CABP5: variants seen among roughly 807,000 people sequenced by gnomAD.
CABP5 encodes calcium binding protein 5.
In CABP5, 17 loss-of-function variants were observed where a neutral mutation model predicts 21.9. The observed-to-expected ratio is 0.78, with a 90% CI of 0.53 to 1.17. The LOEUF (loss-of-function observed/expected upper bound fraction) is 1.17, where lower values mean the gene tolerates loss of function less well. CABP5 is among the 50% of genes most tolerant of loss of function. CABP5 has a pLI of 0.00. For synonymous variants in CABP5, 85 were observed against 79.4 expected, an observed-to-expected ratio of 1.07 and a Z score of -0.37; for missense variants, 229 against 228.9, an observed-to-expected ratio of 1.00 and a Z score of 0.00.
rs115620220 is a variant in CABP5, at chr19:48,040,784, G to A, written c.95-36C>T. 10,065 of 1,610,734 alleles carry A rather than the reference G, an allele frequency of 6.2e-3. 314 individuals are homozygous for A. In the African/African-American group the frequency reaches 0.076, roughly 12 times the overall value. ...AGAGAGAACTTTGGGGGAACTTGAA[G>A]CAGTCAGTGGGGAAGAGTGGCATCT... On this transcript the variant is annotated intron_variant, in intron 2 of 5. Coordinates refer to ENST00000293255, the MANE Select transcript of CABP5 (RefSeq NM_019855.5).
chr19:48,037,176 G>A (rs1020537961), intron 4 of CABP5, among the ~76,000 whole-genome samples: 1 of 148,946 alleles, frequency 6.7e-6, no homozygotes, highest in Non-Finnish European at 1.5e-5. Flanking sequence ...CAATAGCCAA[G>A]GTATGGAAGC....
intron 1 of CABP5, among the ~76,000 whole-genome samples, chr19:48,042,827 C>A (rs1157438476): frequency 6.6e-6 from 1 of 152,186 alleles, no homozygotes; most frequent in Non-Finnish European, 1.5e-5. Context: ...CCTGCTTTGG[C>A]CTCCCAAAGG....
intron 2 of CABP5, 113 bp from the exon 3 acceptor site, chr19:48,040,861 T>C: frequency 9.6e-7 from 1 of 1,043,322 alleles, no homozygotes. Context: ...GGAGCGTACA[T>C]TAGAAACAAA....
chr19:48,042,771 C>T (rs1967498352), intron 1 of CABP5, among the ~76,000 whole-genome samples: 1 of 152,020 alleles, frequency 6.6e-6, no homozygotes, highest in African/African-American at 2.4e-5. Flanking sequence ...GACAGGGTTT[C>T]ACCATCTTGG....
At position 48,041,508 on chromosome 19, in the gene CABP5, AGG is replaced by A. The variant is rs1332955645; in HGVS notation, c.94+63_94+64del. The A allele has an allele frequency of 1.9e-5, 28 of 1,447,700 alleles. No individual in the cohort carries two copies. The African/African-American group carries it at 3.4e-4, about 17-fold the overall frequency. 89.7% of individuals were successfully genotyped at this position (1,447,700 alleles called of 1,614,324 possible). On this transcript the variant is annotated intron_variant, in intron 2 of 5. Transcript: ENST00000293255. ...ATGGAATTTATACGGAAATGCACAA[AGG>A]GACTGAGGGCAGGTCAGGTGGGTGG...
intron 1 of CABP5, 79 bp from the exon 2 acceptor site, chr19:48,041,682 T>C: frequency 7.6e-7 from 1 of 1,319,728 alleles, no homozygotes; most frequent in Non-Finnish European, 1.1e-6. Flanking sequence ...TCTCCCAAGC[T>C]CCTCCCCACG....
At chr19:48,039,104 T>G (rs1600126582) in intron 4 of CABP5, 104 bp downstream of exon 4, 2 of 807,080 alleles carry the variant, frequency 2.5e-6, no homozygotes, top group South Asian at 1.5e-5. Context: ...AAAAAAAAGG[T>G]GGGGGCCTGG....
At chr19:48,031,851 A>G (rs1269499918) in intron 5 of CABP5, among the ~76,000 whole-genome samples, 2 of 130,174 alleles carry the variant, frequency 1.5e-5, no homozygotes, top group Non-Finnish European at 3.1e-5. Context: ...CTTGATGTCC[A>G]CTGCACACCT....
chr19:48,041,670 G>T (rs1967483685), intron 1 of CABP5, 67 bp from the exon 2 acceptor site: 3 of 1,452,018 alleles, frequency 2.1e-6, no homozygotes, highest in East Asian at 4.9e-5. Context: ...GGGTCTCCTT[G>T]TTCTCCCAAG....
At position 48,039,127 on chromosome 19, in the gene CABP5, G is replaced by C. The variant is rs768584089; in HGVS notation, c.348+81C>G. On this transcript the variant is annotated intron_variant, in intron 4 of 5. Coordinates refer to ENST00000293255, the MANE Select transcript of CABP5 (RefSeq NM_019855.5). ...GGTGGGGGCCTGGTTGGTGGGTGCT[G>C]TCCATGGCATTGGCTAATTACAGGC... is the stretch of plus-strand genomic sequence containing the variant. 5.9e-5 allele frequency: 66 copies of C among 1,117,590 alleles called. No homozygotes were observed. In the Middle Eastern group the frequency reaches 1.2e-3, roughly 21 times the overall value. 69.2% of individuals were successfully genotyped at this position (1,117,590 alleles called of 1,614,324 possible).
chr19:48,039,248 C>G lies in CABP5; in HGVS notation c.308G>C (p.Gly103Ala). Reference sequence around the variant, plus strand: ...CCGCATCTCCTGGACACCGATCATCCCAGCTGTTTCTGCAAGCAATTTGGG... The same window carrying G: ...CCGCATCTCCTGGACACCGATCATCGCAGCTGTTTCTGCAAGCAATTTGGG... ...MTPKLLAETAGMIGVQEMRDA... is the reference protein window; with the variant it reads ...MTPKLLAETAAMIGVQEMRDA... Residue 103 changes from glycine to alanine, a missense_variant, in exon 4 of 6, where the codon GGG becomes GCG. By Grantham distance (60) the Gly-to-Ala change is moderately conservative (BLOSUM62 0). Transcript: ENST00000293255. 2 of 1,614,066 alleles carry G rather than the reference C, an allele frequency of 1.2e-6. No homozygotes were observed. The highest frequency in any genetic ancestry group is 1.7e-6 in the Non-Finnish European group (2 of 1,180,006).
At chr19:48,040,838 G>A in intron 2 of CABP5, 90 bp from the exon 3 acceptor site, 1 of 1,313,262 alleles carries the variant, frequency 7.6e-7, no homozygotes, top group Non-Finnish European at 1.1e-6. Flanking sequence ...GCTCCAACTA[G>A]AGACTCCTTA....
In CABP5 at chr19:48,039,337, A is replaced by G; in HGVS notation, c.239-20T>C. On this transcript the variant is annotated intron_variant, in intron 3 of 5. Coordinates refer to ENST00000293255, the MANE Select transcript of CABP5 (RefSeq NM_019855.5). The stretch of plus-strand genomic sequence containing the variant: ...CACCCACTGAGGAAGATGGCACAGG[A>G]TTAGCGAGACCCCACAAGCCCTGGC... 2 of 1,592,010 alleles carry G rather than the reference A, an allele frequency of 1.3e-6. No homozygotes were observed. Among genetic ancestry groups the G allele is most frequent in the Non-Finnish European group, 1.7e-6 (2 of 1,159,902 alleles).
At chr19:48,034,932 C>T (rs1473596924) in intron 4 of CABP5, among the ~76,000 whole-genome samples, 2 of 152,096 alleles carry the variant, frequency 1.3e-5, no homozygotes, top group Non-Finnish European at 2.9e-5. Flanking sequence ...TCCACCTTGT[C>T]CTTCCAAAGT....
intron 4 of CABP5, among the ~76,000 whole-genome samples, chr19:48,035,979 G>A (rs1009686713): frequency 2.6e-5 from 4 of 152,072 alleles, no homozygotes; most frequent in Non-Finnish European, 4.4e-5. Context: ...GACCACAGTA[G>A]GACCACGATG....
chr19:48,040,459 T>A, intron 3 of CABP5, 146 bp downstream of exon 3: 1 of 741,548 alleles, frequency 1.3e-6, no homozygotes, highest in Non-Finnish European at 2.1e-6. Context: ...CCTTCCTGAG[T>A]CGAATCTGAC....
At position 48,029,836 on chromosome 19, in the gene CABP5, G is replaced by GAGAGAGAGAGAGAGAA. The variant is rs1312190085; in HGVS notation, c.*720_*721insTTCTCTCTCTCTCTCT. 6.8e-6 allele frequency: 1 copy of GAGAGAGAGAGAGAGAA among 146,778 alleles called. No homozygotes were observed. The highest frequency in any genetic ancestry group is 1.5e-5 in the Non-Finnish European group (1 of 66,368). 9.1% of individuals were successfully genotyped at this position (146,778 alleles called of 1,614,324 possible). A position where few individuals can be genotyped will look rare whatever the true frequency, so the allele number is the denominator to read the frequency against. On this transcript the variant is annotated 3_prime_UTR_variant, in exon 6 of 6. Transcript: ENST00000293255. ...AGAGAGAGAGAGAGAGAGAGAGAGA[G>GAGAGAGAGAGAGAGAA]AAACCAGACAGTGCTTCCAGGAAAT... is the stretch of plus-strand genomic sequence containing the variant.
rs1013208011 is a variant in CABP5 at position 48,040,681 on chromosome 19, C to T, written c.162G>A (p.Gly54=). 2 of 1,613,934 alleles carry T rather than the reference C, an allele frequency of 1.2e-6. No individual in the cohort carries two copies. The highest frequency in any genetic ancestry group is 1.7e-6 in the Non-Finnish European group (2 of 1,179,890). The change falls in exon 3 of 6, where the codon GGG becomes GGA. Residue 54 remains glycine (G), a synonymous_variant. Transcript: ENST00000293255. ...TGTAACCCATCGTCCTCATGAGATT[C>T]CCCAGATCCTTACAAGAGATGAACC... is the stretch of plus-strand genomic sequence containing the variant. ...RDGFISCKDL[G]NLMRTMGYMP...
In CABP5 at chr19:48,029,570, C is replaced by T. The variant is rs111479062; in HGVS notation, c.*987G>A. ...CTCTGGGTGGTCCAGGACAGACCAG[C>T]GCGGAGGTAGGAGGCTTCTAGGAAA... On this transcript the variant is annotated 3_prime_UTR_variant, in exon 6 of 6. Coordinates refer to ENST00000293255, the MANE Select transcript of CABP5 (RefSeq NM_019855.5). 1.8e-4 allele frequency among the ~76,000 whole-genome samples: 27 copies of T among 152,122 alleles called. 1 individual carries two copies. The highest frequency in any genetic ancestry group is 4.6e-4 in the Admixed American group (7 of 15,256).
Sources: gnomAD v4.1 joint callset for allele counts (sites outside exome capture counted in the v4.1 genomes callset) on GRCh38, gnomAD v4.1.1 for gene constraint, MANE v1.5 for transcripts, NCBI Gene and HGNC (gene_info 2026-07-23, HGNC 2026-07-21) for gene names.